The following LRP1B variants were observed in gnomAD, a reference collection of about 807,000 sequenced individuals.
LRP1B encodes low-density lipoprotein receptor-related protein 1B.
Under a neutral mutation model 556.6 loss-of-function variants are expected in LRP1B, and 217 were observed. That is an observed-to-expected ratio of 0.39 (90% CI 0.35 to 0.44). The LOEUF (loss-of-function observed/expected upper bound fraction) is 0.44. LRP1B is among the 20% of genes least tolerant of loss of function. LRP1B has a pLI of 1.00. For synonymous variants in LRP1B, 2,047 were observed against 1,865.8 expected (o/e 1.10, Z -2.50); for missense variants, 5,053 against 5,620.8 (o/e 0.90, Z 3.23).
Position 140,867,831 on chromosome 2 carries a change from T to G in LRP1B, c.4338A>C (p.Ser1446=), listed in dbSNP as rs1432152693. The G allele has an allele frequency of 6.5e-7, 1 of 1,534,296 alleles. No homozygotes were observed. The highest frequency in any genetic ancestry group is 2.3e-5 in the East Asian group (1 of 43,314). ...CATAGAGGGCTGAATAAATAGCATC[T>G]GACCTACAGAAAGATAAATACATGA... is the stretch of plus-strand genomic sequence containing the variant. ...EKRIVWTDAR[S]DAIYSALYDG... The change falls in exon 27 of 91, where the codon TCA becomes TCC. Residue 1446 remains serine, a synonymous_variant. Coordinates refer to ENST00000389484, the MANE Select transcript of LRP1B (RefSeq NM_018557.3).
At chr2:140,812,918 A>G (rs973799144) in intron 32 of LRP1B, among the ~76,000 whole-genome samples, 3 of 152,150 alleles carry the variant, frequency 2.0e-5, no homozygotes, top group South Asian at 2.1e-4. Flanking sequence ...CATTCACTAA[A>G]TCAATATTCA....
chr2:142,070,801 T>G lies in LRP1B; in HGVS notation c.82+59847A>C, dbSNP rs1337520237. On this transcript the variant is annotated intron_variant, in intron 1 of 90. Transcript: ENST00000389484. ...AATTCACACAGGACATCATATTGCA[T>G]GTAGTTTGGAAAGGAAAGAAAATGC... 2.6e-5 allele frequency among the ~76,000 whole-genome samples: 4 copies of G among 151,928 alleles called. 1 individual carries two copies. Among genetic ancestry groups the G allele is most frequent in the Admixed American group, 2.0e-4 (3 of 15,218 alleles).
intron 1 of LRP1B, among the ~76,000 whole-genome samples, chr2:142,047,894 CAATA>C (rs752577777): frequency 2.0e-5 from 3 of 151,966 alleles, no homozygotes; most frequent in Non-Finnish European, 2.9e-5. Context: ...TATGACTGGA[CAATA>C]AATAAATAAA....
intron 2 of LRP1B, among the ~76,000 whole-genome samples, chr2:141,703,634 A>C (rs1166358850): frequency 6.6e-6 from 1 of 151,906 alleles, no homozygotes; most frequent in Non-Finnish European, 1.5e-5. Context: ...CCACATACCA[A>C]TCCCTGTCTT....
chr2:141,460,762 G>A (rs1202941499), intron 3 of LRP1B, among the ~76,000 whole-genome samples: 1 of 152,110 alleles, frequency 6.6e-6, no homozygotes, highest in African/African-American at 2.4e-5. Flanking sequence ...TTTTTAAAAG[G>A]TATAGCTAAT....
At chr2:141,064,473 A>T (rs1699426792) in intron 7 of LRP1B, among the ~76,000 whole-genome samples, 1 of 152,040 alleles carries the variant, frequency 6.6e-6, no homozygotes, top group South Asian at 2.1e-4. Context: ...AAACGGATTG[A>T]GATAACTCTC....
chr2:140,500,232 T>C (rs1334185631), intron 55 of LRP1B, among the ~76,000 whole-genome samples: 1 of 151,980 alleles, frequency 6.6e-6, no homozygotes, highest in African/African-American at 2.4e-5. Context: ...CAGTTTTTAA[T>C]CTCTAATTTT....
chr2:141,066,664 C>T (rs1419825049), intron 7 of LRP1B, among the ~76,000 whole-genome samples: 1 of 151,944 alleles, frequency 6.6e-6, no homozygotes, highest in Non-Finnish European at 1.5e-5. Flanking sequence ...ACTGCATGGT[C>T]AGTCCCCGTC....
intron 20 of LRP1B, among the ~76,000 whole-genome samples, chr2:140,925,692 T>A (rs1473941978): frequency 1.3e-5 from 2 of 152,210 alleles, no homozygotes; most frequent in African/African-American, 4.8e-5. Context: ...TTCCTCAGTA[T>A]GTTTGACGAA....
chr2:140,694,482 C>T (rs918879754), intron 41 of LRP1B, among the ~76,000 whole-genome samples: 10 of 152,172 alleles, frequency 6.6e-5, no homozygotes, highest in Admixed American at 5.2e-4. Flanking sequence ...CTTCTGGTAG[C>T]ATCTTAAGAT....
intron 16 of LRP1B, among the ~76,000 whole-genome samples, chr2:140,990,436 ACT>A (rs1484535490): frequency 3.9e-5 from 6 of 152,056 alleles, no homozygotes; most frequent in African/African-American, 1.4e-4. Flanking sequence ...TACTTTTATT[ACT>A]CTCTGTCCAG....
At chr2:141,698,982 G>C (rs769664786) in intron 2 of LRP1B, among the ~76,000 whole-genome samples, 1 of 151,838 alleles carries the variant, frequency 6.6e-6, no homozygotes, top group Non-Finnish European at 1.5e-5. Flanking sequence ...TGTGTTAACA[G>C]AGTTAGCTAC....
chr2:140,876,827 G>A (rs1016426525), intron 25 of LRP1B, among the ~76,000 whole-genome samples: 1 of 152,082 alleles, frequency 6.6e-6, no homozygotes, highest in African/African-American at 2.4e-5. Context: ...TTGCTGCACT[G>A]TATACAAATA....
intron 3 of LRP1B, among the ~76,000 whole-genome samples, chr2:141,324,249 T>C (rs924077220): frequency 2.6e-5 from 4 of 151,132 alleles, no homozygotes. Context: ...AATAATAGAG[T>C]AGTCCTGACC....
At chr2:140,885,556 G>A (rs181636717) in intron 24 of LRP1B, among the ~76,000 whole-genome samples, 79 of 151,544 alleles carry the variant, frequency 5.2e-4, no homozygotes, top group Non-Finnish European at 5.0e-4. Flanking sequence ...TCATCATATG[G>A]GCCAGGCTGG....
rs528880712 is a variant in LRP1B, at chr2:142,052,149, A to C, written c.82+78499T>G. On this transcript the variant is annotated intron_variant, in intron 1 of 90. Transcript: ENST00000389484. ...CTTTCAGAGAACCAGTTTTCTGAAA[A>C]TCCTAACTTCTCATGATTATGGCAA... Among the ~76,000 whole-genome samples, 11 of 152,192 alleles carry C rather than the reference A, an allele frequency of 7.2e-5. 1 individual carries two copies. The South Asian group carries it at 2.1e-3, about 29-fold the overall frequency.
intron 1 of LRP1B, among the ~76,000 whole-genome samples, chr2:141,857,695 G>T (rs1698105929): frequency 1.3e-5 from 2 of 152,050 alleles, no homozygotes; most frequent in Admixed American, 1.3e-4. Context: ...AAAGCAAAAT[G>T]AAATAAAATC....
At chr2:141,569,923 T>G (rs897455869) in intron 2 of LRP1B, among the ~76,000 whole-genome samples, 1 of 151,196 alleles carries the variant, frequency 6.6e-6, no homozygotes, top group Non-Finnish European at 1.5e-5. Context: ...AGATGGCATT[T>G]TAAGATATTT....
intron 3 of LRP1B, among the ~76,000 whole-genome samples, chr2:141,446,601 C>A (rs1169725798): frequency 1.3e-5 from 2 of 152,092 alleles, no homozygotes; most frequent in Non-Finnish European, 1.5e-5. Flanking sequence ...GTAAGGCAGG[C>A]CTGGTGGTGA....
Sources: gnomAD v4.1 joint callset for allele counts (sites outside exome capture counted in the v4.1 genomes callset) on GRCh38, gnomAD v4.1.1 for gene constraint, MANE v1.5 for transcripts, NCBI Gene and HGNC (gene_info 2026-07-23, HGNC 2026-07-21) for gene names.